CEP128: variants seen among roughly 807,000 people sequenced by gnomAD.
CEP128 encodes centrosomal protein 128.
CEP128 carries 132 observed loss-of-function variants against 156.7 expected under a neutral mutation model. The observed-to-expected ratio is 0.84, with a 90% CI of 0.73 to 0.97. The LOEUF is 0.97. Among genes scored for constraint, CEP128 ranks in the 50% least tolerant of loss-of-function variants. The probability of loss-of-function intolerance (pLI) is 0.00; values close to 1 mark genes in which losing one functional copy is unlikely to be tolerated. For missense variants in CEP128, 1,252 were observed against 1,281.9 expected (o/e 0.98, Z 0.36); for synonymous variants, 469 against 448.9 (o/e 1.04, Z -0.57).
chr14:80,811,489 T>G (rs1409763850), intron 13 of CEP128, among the ~76,000 whole-genome samples: 4 of 152,224 alleles, frequency 2.6e-5, no homozygotes, highest in Non-Finnish European at 4.4e-5. Flanking sequence ...TCTCATTCTT[T>G]TTCTTAAGAG....
At chr14:80,787,662 G>A (rs961330566) in intron 14 of CEP128, among the ~76,000 whole-genome samples, 2 of 152,034 alleles carry the variant, frequency 1.3e-5, no homozygotes, top group Non-Finnish European at 2.9e-5. Flanking sequence ...AGCATGGGAG[G>A]GACTGAGCGA....
intron 2 of CEP128, among the ~76,000 whole-genome samples, chr14:80,924,849 C>T (rs977142299): frequency 6.6e-6 from 1 of 151,726 alleles, no homozygotes; most frequent in Admixed American, 6.6e-5. Flanking sequence ...TGGTAATAAG[C>T]ACATCAACAG....
intron 20 of CEP128, among the ~76,000 whole-genome samples, chr14:80,559,919 T>C (rs888609599): frequency 5.9e-5 from 9 of 152,216 alleles, no homozygotes; most frequent in Non-Finnish European, 8.8e-5. Flanking sequence ...TTGATAACGA[T>C]GCATCAAAAG....
intron 14 of CEP128, among the ~76,000 whole-genome samples, chr14:80,788,354 G>A (rs1483131906): frequency 7.8e-6 from 1 of 127,612 alleles, no homozygotes; most frequent in Non-Finnish European, 1.6e-5. Flanking sequence ...TTTCAGTTTG[G>A]ATAAATAATT....
intron 21 of CEP128, among the ~76,000 whole-genome samples, chr14:80,551,999 G>A (rs1182627992): frequency 6.6e-6 from 1 of 152,112 alleles, no homozygotes; most frequent in Non-Finnish European, 1.5e-5. Context: ...ACTCGGGATG[G>A]GTGAGAAGTA....
Position 80,756,874 on chromosome 14 carries a change from G to A in CEP128, c.2613+18C>T. 1 of 1,492,308 alleles carries A rather than the reference G, an allele frequency of 6.7e-7. No homozygotes were observed. The highest frequency in any genetic ancestry group is 1.7e-5 in the Admixed American group (1 of 58,104). The allele number at this position is 1,492,308 out of a possible 1,614,324, so 92.4% of individuals were successfully genotyped here. On this transcript the variant is annotated intron_variant, in intron 18 of 24. Transcript: ENST00000555265. Reference sequence around the variant, plus strand: ...ATCATAAATATTACAATAACTTTAGGATTTAAAGATTAATTACCTTGCTTT... The same window carrying A: ...ATCATAAATATTACAATAACTTTAGAATTTAAAGATTAATTACCTTGCTTT...
chr14:80,580,346 AGCAT>A, intron 20 of CEP128, 24 bp downstream of exon 20: 4 of 1,498,450 alleles, frequency 2.7e-6, no homozygotes, highest in Non-Finnish European at 3.7e-6. Flanking sequence ...TTTCATACCA[AGCAT>A]GCTTGCCCTA....
intron 19 of CEP128, among the ~76,000 whole-genome samples, chr14:80,619,367 G>GACACACACACACACACACACACACAC (rs34190837): frequency 1.4e-4 from 19 of 139,366 alleles, no homozygotes; most frequent in Non-Finnish European, 2.5e-4. Flanking sequence ...AAGACACACA[G>GACACACACACACACACACACACACAC]ACACACACAC....
chr14:80,665,649 TA>T (rs1198308508), intron 19 of CEP128, among the ~76,000 whole-genome samples: 1 of 152,060 alleles, frequency 6.6e-6, no homozygotes, highest in Non-Finnish European at 1.5e-5. Flanking sequence ...AATCACTGTC[TA>T]AACAACTGCT....
Position 80,862,807 on chromosome 14 carries a change from C to A in CEP128, c.712G>T (p.Val238Leu), listed in dbSNP as rs200367616. 9.3e-6 allele frequency: 15 copies of A among 1,614,086 alleles called. No individual in the cohort carries two copies. The Admixed American group carries it at 2.0e-4, about 22-fold the overall frequency. Residue 238 changes from valine to leucine, a missense_variant, in exon 9 of 25, where the codon GTG becomes TTG. By Grantham distance (32) the Val-to-Leu change is conservative (BLOSUM62 1). Transcript: ENST00000555265. The stretch of plus-strand genomic sequence containing the variant: ...CCCAGTTGATCCTGGCGTCTTTCCA[C>A]CAGCTCCCTTTCTGTGCGCATCTCT... Reference protein sequence around the residue: ...EREMRTERELVERRQDQLGLM... With the variant: ...EREMRTERELLERRQDQLGLM...
intron 12 of CEP128, among the ~76,000 whole-genome samples, chr14:80,835,868 T>C (rs1386134536): frequency 6.6e-6 from 1 of 152,144 alleles, no homozygotes; most frequent in East Asian, 1.9e-4. Flanking sequence ...ACAATTTAAG[T>C]ACAAAGACTG....
intron 4 of CEP128, among the ~76,000 whole-genome samples, chr14:80,911,733 T>G (rs1242954999): frequency 6.6e-6 from 1 of 152,170 alleles, no homozygotes; most frequent in Non-Finnish European, 1.5e-5. Flanking sequence ...TGAGGTAGAT[T>G]TGGTCGTTCA....
chr14:80,958,669 A>G (rs1347677269), intron 1 of CEP128, among the ~76,000 whole-genome samples: 2 of 152,194 alleles, frequency 1.3e-5, no homozygotes, highest in East Asian at 1.9e-4. Context: ...CTTTTTTTAC[A>G]TCTTTCTAGA....
downstream of CEP128, among the ~76,000 whole-genome samples, chr14:80,492,098 G>T (rs968126472): frequency 6.6e-6 from 1 of 152,050 alleles, no homozygotes; most frequent in Non-Finnish European, 1.5e-5. Flanking sequence ...AAGAAAAGGG[G>T]GAAAAAAGCT....
chr14:80,851,949 TAAAAG>T (rs1886912704), intron 9 of CEP128, among the ~76,000 whole-genome samples: 1 of 151,958 alleles, frequency 6.6e-6, no homozygotes, highest in Admixed American at 6.6e-5. Context: ...ACAAAACAGA[TAAAAG>T]AAAACTGACA....
Position 80,850,260 on chromosome 14 carries a change from AT to A in CEP128, c.763-9493del, listed in dbSNP as rs540719267. On this transcript the variant is annotated intron_variant, in intron 9 of 24. Transcript: ENST00000555265. ...TTTGTAATAACAGACAGTTAATTAG[AT>A]TTTTTTCATTTGTGAGGCTAGTGCC... 1.4e-3 allele frequency among the ~76,000 whole-genome samples: 210 copies of A among 152,270 alleles called. 1 individual carries two copies. Among genetic ancestry groups the A allele is most frequent in the African/African-American group, 4.1e-3 (170 of 41,566 alleles).
chr14:80,577,277 T>C (rs75678135), intron 20 of CEP128, among the ~76,000 whole-genome samples: 3,172 of 152,202 alleles, frequency 0.021, 103 homozygotes, highest in East Asian at 0.15. Flanking sequence ...TCTTATGATA[T>C]GGACAACAGA....
intron 19 of CEP128, among the ~76,000 whole-genome samples, chr14:80,634,294 A>C (rs1451353365): frequency 6.6e-6 from 1 of 152,196 alleles, no homozygotes; most frequent in Non-Finnish European, 1.5e-5. Flanking sequence ...CTAATAGATG[A>C]GTGAGTCTTT....
intron 9 of CEP128, among the ~76,000 whole-genome samples, chr14:80,842,458 A>T (rs1433030105): frequency 6.6e-6 from 1 of 151,986 alleles, no homozygotes; most frequent in Non-Finnish European, 1.5e-5. Context: ...CCTAGTTTAA[A>T]ATGAAAGACA....
Sources: gnomAD v4.1 joint callset for allele counts (sites outside exome capture counted in the v4.1 genomes callset) on GRCh38, gnomAD v4.1.1 for gene constraint, MANE v1.5 for transcripts, NCBI Gene and HGNC (gene_info 2026-07-23, HGNC 2026-07-21) for gene names.